KLC1: variants seen among roughly 807,000 people sequenced by gnomAD.
KLC1 encodes the protein kinesin light chain 1, also known as kinesin 2 60/70kDa.
A neutral mutation model predicts 84.2 loss-of-function variants in KLC1; 30 were observed. The ratio of observed to expected loss-of-function variants is 0.36; its 90% CI spans 0.27 to 0.48. KLC1 has a LOEUF of 0.48. Ranked by LOEUF, KLC1 falls within the 20% of genes least tolerant of loss-of-function variation. The probability of loss-of-function intolerance (pLI) is 0.99; values close to 1 mark genes in which losing one functional copy is unlikely to be tolerated. For synonymous variants in KLC1, 289 were observed against 293.3 expected (o/e 0.99, Z 0.15); for missense variants, 499 against 805.4 (o/e 0.62, Z 4.60).
At chr14:103,698,775 G>A (rs372513712) in intron 15 of KLC1, 278 of 1,570,736 alleles carry the variant, frequency 1.8e-4, no homozygotes, top group Non-Finnish European at 2.3e-4. Context: ...CTCAGGCAGG[G>A]CTGTTGTGCA....
chr14:103,651,351 G>A (rs1221078997), intron 1 of KLC1, among the ~76,000 whole-genome samples: 3 of 151,880 alleles, frequency 2.0e-5, no homozygotes, highest in Non-Finnish European at 2.9e-5. Flanking sequence ...TTTGACCTAC[G>A]TGCATATAGA....
At chr14:103,652,735 C>T (rs867526730) in intron 1 of KLC1, among the ~76,000 whole-genome samples, 16 of 152,172 alleles carry the variant, frequency 1.1e-4, no homozygotes, top group Admixed American at 2.0e-4. Flanking sequence ...TCGTGATCTG[C>T]CCGCCTTCGC....
At chr14:103,651,312 A>T (rs539612611) in intron 1 of KLC1, among the ~76,000 whole-genome samples, 1 of 152,070 alleles carries the variant, frequency 6.6e-6, no homozygotes, top group Admixed American at 6.6e-5. Context: ...CCAGCTTGCC[A>T]TTACTTTTAT....
At chr14:103,666,104 C>G (rs1167774945) in intron 5 of KLC1, among the ~76,000 whole-genome samples, 1 of 151,784 alleles carries the variant, frequency 6.6e-6, no homozygotes, top group Non-Finnish European at 1.5e-5. Flanking sequence ...CTCGCTGTCA[C>G]CCAGGCTGGA....
chr14:103,676,135 C>A (rs1004419853), intron 11 of KLC1, among the ~76,000 whole-genome samples: 1 of 152,250 alleles, frequency 6.6e-6, no homozygotes, highest in African/African-American at 2.4e-5. Flanking sequence ...GCCTTGTCCT[C>A]TGCAGAGGGA....
In KLC1 at chr14:103,646,613, C is replaced by T. The variant is rs1275109361; in HGVS notation, c.-1-7951C>T. Among the ~76,000 whole-genome samples, 3 of 152,158 alleles carry T rather than the reference C, an allele frequency of 2.0e-5. No homozygotes were observed. The East Asian group carries it at 5.8e-4, about 29-fold the overall frequency. On this transcript the variant is annotated intron_variant, in intron 1 of 16. Coordinates refer to ENST00000334553, the MANE Select transcript of KLC1 (RefSeq NM_001394837.1). The stretch of plus-strand genomic sequence containing the variant: ...GCAGCCGTGAACTGCAGACATGCAT[C>T]TTTATGCCTAGCTAATTTTTTTTCT...
At position 103,675,772 on chromosome 14, in the gene KLC1, C is replaced by T. The variant is rs376830146; in HGVS notation, c.1379+16C>T. On this transcript the variant is annotated intron_variant, in intron 11 of 16. Coordinates refer to ENST00000334553, the MANE Select transcript of KLC1 (RefSeq NM_001394837.1). ...AAGTTGATAGGTATGTCTGGAATTG[C>T]GTTTGGCTGGAAAAACCAAAAAGCA... 6.2e-6 allele frequency: 10 copies of T among 1,611,098 alleles called. No individual in the cohort carries two copies. Among genetic ancestry groups the T allele is most frequent in the Middle Eastern group, 1.6e-4 (1 of 6,078 alleles).
rs150057306 is a variant in KLC1 at position 103,633,299 on chromosome 14, C to T, written c.-2+3805C>T. On this transcript the variant is annotated intron_variant, in intron 1 of 16. Coordinates refer to ENST00000334553, the MANE Select transcript of KLC1 (RefSeq NM_001394837.1). ...GTCTCCATCTCCTGACCTCGTGATC[C>T]GCCCGCCTTGGCCTCTCAAAGTGCT... is the stretch of plus-strand genomic sequence containing the variant. 9.5e-4 allele frequency among the ~76,000 whole-genome samples: 145 copies of T among 152,114 alleles called. 3 individuals carry two copies. In the East Asian group the frequency reaches 0.02, roughly 21 times the overall value.
In KLC1 at chr14:103,651,488, C is replaced by T. The variant is rs554944104; in HGVS notation, c.-1-3076C>T. 1.3e-4 allele frequency among the ~76,000 whole-genome samples: 20 copies of T among 152,168 alleles called. No individual in the cohort carries two copies. The South Asian group carries it at 3.9e-3, about 30-fold the overall frequency. ...TTTATTTTTCCTAAATAGCCAGTTG[C>T]CTTGGCACCGTTTATTATATAAGCT... On this transcript the variant is annotated intron_variant, in intron 1 of 16. Coordinates refer to ENST00000334553, the MANE Select transcript of KLC1 (RefSeq NM_001394837.1).
chr14:103,699,144 G>A (rs759615397), intron 15 of KLC1: 57 of 1,572,056 alleles, frequency 3.6e-5, no homozygotes, highest in East Asian at 1.4e-4. Flanking sequence ...CCAGCGGCCC[G>A]TGTGCTGCGC....
intron 2 of KLC1, among the ~76,000 whole-genome samples, chr14:103,656,169 T>G (rs774118887): frequency 6.6e-6 from 1 of 152,124 alleles, no homozygotes; most frequent in African/African-American, 2.4e-5. Context: ...TGATGATGTG[T>G]ACAGCAGTGC....
intron 1 of KLC1, among the ~76,000 whole-genome samples, chr14:103,644,969 TTC>T (rs1031231312): frequency 6.5e-4 from 98 of 151,706 alleles, no homozygotes; most frequent in Admixed American, 1.3e-3. Flanking sequence ...TTTCTTTTCT[TTC>T]TCTCTCTCTT....
At chr14:103,642,773 T>G (rs1024466688) in intron 1 of KLC1, among the ~76,000 whole-genome samples, 3 of 150,936 alleles carry the variant, frequency 2.0e-5, no homozygotes, top group Non-Finnish European at 3.0e-5. Context: ...TTTTTGGTTT[T>G]TTTTTTTTTT....
intron 1 of KLC1, among the ~76,000 whole-genome samples, chr14:103,632,120 C>G (rs904992010): frequency 1.3e-5 from 2 of 152,074 alleles, no homozygotes; most frequent in African/African-American, 4.8e-5. Flanking sequence ...GTTGGCCGGG[C>G]GTGGTCATGC....
chr14:103,670,344 T>G lies in KLC1; in HGVS notation c.987+61T>G. 5 of 1,251,192 alleles carry G rather than the reference T, an allele frequency of 4.0e-6. No homozygotes were observed. The South Asian group carries it at 5.3e-5, about 13-fold the overall frequency. 77.5% of individuals were successfully genotyped at this position (1,251,192 alleles called of 1,614,324 possible). A position where few individuals can be genotyped will look rare whatever the true frequency, so the allele number is the denominator to read the frequency against. On this transcript the variant is annotated intron_variant, in intron 7 of 16. Transcript: ENST00000334553. ...TTTTGTTTTGTGTGTGTGTGGTTTT[T>G]TTTTTTTTTTTGAGATGGAGTCTCG...
chr14:103,633,389 C>T (rs886390849), intron 1 of KLC1, among the ~76,000 whole-genome samples: 1 of 152,078 alleles, frequency 6.6e-6, no homozygotes, highest in Admixed American at 6.6e-5. Flanking sequence ...AGCCAGTTGC[C>T]ACTTTAGAAA....
chr14:103,692,497 T>A, intron 15 of KLC1, 72 bp downstream of exon 15: 1 of 1,326,658 alleles, frequency 7.5e-7, no homozygotes. Flanking sequence ...AGACCCGCAC[T>A]CGGCCCCTGC....
chr14:103,670,128 T>C (rs2080250485), intron 6 of KLC1, 54 bp from the exon 7 acceptor site: 1 of 1,112,380 alleles, frequency 9.0e-7, no homozygotes, highest in Admixed American at 2.4e-5. Flanking sequence ...TGTATAAATG[T>C]ACTCTTATTT....
intron 7 of KLC1, 52 bp downstream of exon 7, chr14:103,670,335 T>A: frequency 7.7e-7 from 1 of 1,301,384 alleles, no homozygotes; most frequent in Non-Finnish European, 1.1e-6. Context: ...TTTGTGTGTG[T>A]GTGGTTTTTT....
Sources: gnomAD v4.1 joint callset for allele counts (sites outside exome capture counted in the v4.1 genomes callset) on GRCh38, gnomAD v4.1.1 for gene constraint, MANE v1.5 for transcripts, NCBI Gene and HGNC (gene_info 2026-07-23, HGNC 2026-07-21) for gene names.